NRXN3: variants seen among roughly 807,000 people sequenced by gnomAD.
NRXN3 encodes the protein neurexin III.
NRXN3 carries 32 observed loss-of-function variants against 137.6 expected under a neutral mutation model. The observed-to-expected ratio is 0.23, with a 90% CI of 0.18 to 0.31. The LOEUF (loss-of-function observed/expected upper bound fraction) is 0.31, where lower values mean the gene tolerates loss of function less well. NRXN3 is among the 10% of genes least tolerant of loss of function. The probability of loss-of-function intolerance (pLI) is 1.00; values close to 1 mark genes in which losing one functional copy is unlikely to be tolerated. For missense variants in NRXN3, 1,574 were observed against 2,062.5 expected (o/e 0.76, Z 4.59); for synonymous variants, 798 against 784.5 (o/e 1.02, Z -0.29).
intron 4 of NRXN3, among the ~76,000 whole-genome samples, chr14:78,506,135 T>C (rs1037607990): frequency 1.3e-5 from 2 of 152,166 alleles, no homozygotes; most frequent in Non-Finnish European, 2.9e-5. Context: ...CTCCCTCCCC[T>C]CCAGTCCCTG....
intron 15 of NRXN3, chr14:79,199,931 A>G (rs1465393019): frequency 1.3e-5 from 2 of 152,152 alleles, no homozygotes; most frequent in African/African-American, 4.8e-5. Flanking sequence ...TTCAGTATAT[A>G]TTTTGAGAAC....
At chr14:79,336,429 TG>T (rs1260523739) in intron 15 of NRXN3, among the ~76,000 whole-genome samples, 1 of 152,212 alleles carries the variant, frequency 6.6e-6, no homozygotes, top group Non-Finnish European at 1.5e-5. Flanking sequence ...AAGCATACTT[TG>T]GTGTCCACAG....
At chr14:78,540,422 A>G (rs953190267) in intron 4 of NRXN3, among the ~76,000 whole-genome samples, 5 of 136,030 alleles carry the variant, frequency 3.7e-5, no homozygotes, top group African/African-American at 1.3e-4. Context: ...AGAGACTAGG[A>G]TTGCAACCCC....
chr14:79,172,430 A>G (rs1057267534), intron 15 of NRXN3, among the ~76,000 whole-genome samples: 1 of 152,142 alleles, frequency 6.6e-6, no homozygotes. Context: ...TCTCTGAAAG[A>G]AAGGGAGAAA....
intron 10 of NRXN3, among the ~76,000 whole-genome samples, chr14:78,946,332 G>A (rs2099365113): frequency 6.6e-6 from 1 of 152,160 alleles, no homozygotes; most frequent in African/African-American, 2.4e-5. Context: ...ACTCCTCCAT[G>A]AAGAATGTGA....
At chr14:78,409,733 G>C (rs1220283476) in intron 4 of NRXN3, among the ~76,000 whole-genome samples, 4 of 152,184 alleles carry the variant, frequency 2.6e-5, no homozygotes, top group Non-Finnish European at 4.4e-5. Context: ...TTATTGAAAA[G>C]ATAGATCTCA....
chr14:79,187,930 C>T (rs11159399), intron 15 of NRXN3, among the ~76,000 whole-genome samples: 5,431 of 152,252 alleles, frequency 0.036, 235 homozygotes, highest in East Asian at 0.21. Context: ...TCAGAAGGGT[C>T]AGTCGAGAAC....
At chr14:79,363,823 T>C (rs1167265434) in intron 15 of NRXN3, among the ~76,000 whole-genome samples, 1 of 152,172 alleles carries the variant, frequency 6.6e-6, no homozygotes, top group African/African-American at 2.4e-5. Context: ...TCTAACACCA[T>C]TTTGAACTCT....
At chr14:79,619,356 C>A (rs1382708432) in intron 16 of NRXN3, among the ~76,000 whole-genome samples, 1 of 151,960 alleles carries the variant, frequency 6.6e-6, no homozygotes, top group Non-Finnish European at 1.5e-5. Flanking sequence ...TTTAAGTTTT[C>A]AATCTATCTT....
chr14:78,931,802 C>T (rs1203046242), intron 10 of NRXN3, among the ~76,000 whole-genome samples: 2 of 152,100 alleles, frequency 1.3e-5, no homozygotes, highest in African/African-American at 4.8e-5. Flanking sequence ...GTCTTAGGAA[C>T]ACTGAAGTAC....
At chr14:79,621,881 T>C (rs550182081) in intron 16 of NRXN3, among the ~76,000 whole-genome samples, 5 of 152,222 alleles carry the variant, frequency 3.3e-5, no homozygotes, top group Non-Finnish European at 5.9e-5. Context: ...TTTTTGAACC[T>C]TTCTATTTAA....
chr14:79,500,638 A>T (rs1262991682), intron 16 of NRXN3, among the ~76,000 whole-genome samples: 1 of 152,196 alleles, frequency 6.6e-6, no homozygotes, highest in Non-Finnish European at 1.5e-5. Flanking sequence ...AGTATGCTGC[A>T]TGTATCTGCT....
chr14:79,746,289 T>A (rs958569895), intron 19 of NRXN3, among the ~76,000 whole-genome samples: 10 of 152,156 alleles, frequency 6.6e-5, no homozygotes, highest in Non-Finnish European at 1.3e-4. Context: ...AGAAATCTGC[T>A]TTTTGACAAC....
chr14:79,133,100 T>C lies in NRXN3; in HGVS notation c.3262+144959T>C, dbSNP rs138921621. 3.2e-4 allele frequency among the ~76,000 whole-genome samples: 48 copies of C among 152,370 alleles called. 2 individuals carry two copies. In the East Asian group the frequency reaches 7.5e-3, roughly 24 times the overall value. On this transcript the variant is annotated intron_variant, in intron 15 of 20. Transcript: ENST00000335750. ...CTCAGGTCAGGCAGTAAGTCTTTAG[T>C]TGCAGGGTGAGCTGGGCAGCACATT...
At chr14:78,177,647 G>A (rs904918058) in intron 1 of NRXN3, among the ~76,000 whole-genome samples, 2 of 152,104 alleles carry the variant, frequency 1.3e-5, no homozygotes, top group African/African-American at 4.8e-5. Context: ...TTCTCTTAAA[G>A]GAATAGAGAG....
At chr14:79,094,979 A>AGAGAGAGAGTGTGTGTGT (rs553957969) in intron 15 of NRXN3, among the ~76,000 whole-genome samples, 18 of 115,928 alleles carry the variant, frequency 1.6e-4, no homozygotes, top group African/African-American at 5.8e-4. Flanking sequence ...AGAGAGAGAG[A>AGAGAGAGAGTGTGTGTGT]GTGTGTGTGT....
chr14:78,568,961 G>GTTTTTTTTTTTTTTTTTTTTTT (rs34485878), intron 4 of NRXN3, among the ~76,000 whole-genome samples: 5 of 103,740 alleles, frequency 4.8e-5, no homozygotes, highest in African/African-American at 2.0e-4. Flanking sequence ...GACTTTGCAG[G>GTTTTTTTTTTTTTTTTTTTTTT]TTTTTTTTTT....
At chr14:79,808,255 A>AAATATAT (rs1555750671) in intron 20 of NRXN3, among the ~76,000 whole-genome samples, 3 of 123,984 alleles carry the variant, frequency 2.4e-5, no homozygotes, top group African/African-American at 3.3e-5. Context: ...AAAAAAAAAA[A>AAATATAT]ATATATATAT....
At chr14:79,717,309 T>A (rs2098827096) in intron 19 of NRXN3, among the ~76,000 whole-genome samples, 1 of 152,200 alleles carries the variant, frequency 6.6e-6, no homozygotes, top group Non-Finnish European at 1.5e-5. Context: ...GCCTTTTTGA[T>A]GGAGTAGTCC....
Sources: allele counts gnomAD v4.1 joint callset (sites outside exome capture counted in the v4.1 genomes callset), GRCh38; gene constraint gnomAD v4.1.1; transcripts MANE v1.5; gene names NCBI Gene and HGNC (gene_info 2026-07-23, HGNC 2026-07-21).